Variants in ERBIN observed in about 807,000 individuals in gnomAD.
ERBIN encodes the protein densin-180-like protein.
Under a neutral mutation model 158.4 loss-of-function variants are expected in ERBIN, and 60 were observed. The observed-to-expected ratio is 0.38, with a 90% CI of 0.31 to 0.47. ERBIN has a LOEUF of 0.47. ERBIN is among the 20% of genes least tolerant of loss of function. The pLI is 0.99. For missense variants in ERBIN, 1,610 were observed against 1,648.0 expected (o/e 0.98, Z 0.40); for synonymous variants, 594 against 557.2 (o/e 1.07, Z -0.93).
intron 1 of ERBIN, among the ~76,000 whole-genome samples, chr5:65,934,328 A>G (rs750276315): frequency 2.0e-4 from 30 of 152,212 alleles, no homozygotes; most frequent in Admixed American, 3.3e-4. Context: ...AATTATCCCA[A>G]TAATGTGTTT....
chr5:65,970,092 C>T (rs950534797), intron 1 of ERBIN, among the ~76,000 whole-genome samples: 5 of 151,088 alleles, frequency 3.3e-5, no homozygotes, highest in African/African-American at 7.3e-5. Context: ...TAATTGTCTA[C>T]GTCAAATTAC....
intron 1 of ERBIN, among the ~76,000 whole-genome samples, chr5:65,941,631 T>G (rs1051199966): frequency 6.6e-6 from 1 of 152,222 alleles, no homozygotes; most frequent in Non-Finnish European, 1.5e-5. Flanking sequence ...GTAATTTACA[T>G]GTATGATAAA....
At chr5:66,042,196 ATC>A (rs752725197) in intron 15 of ERBIN, among the ~76,000 whole-genome samples, 8 of 152,030 alleles carry the variant, frequency 5.3e-5, no homozygotes, top group Non-Finnish European at 1.0e-4. Context: ...GGTACTTGTA[ATC>A]TCTCTGTTTT....
chr5:66,014,760 T>G (rs775884557), intron 7 of ERBIN, 35 bp downstream of exon 7: 13 of 1,053,508 alleles, frequency 1.2e-5, no homozygotes, highest in Middle Eastern at 2.7e-4. Context: ...AAAACTTAAT[T>G]TATAATTTTT....
chr5:65,930,154 T>TA (rs1162540772), intron 1 of ERBIN, among the ~76,000 whole-genome samples: 1 of 152,226 alleles, frequency 6.6e-6, no homozygotes, highest in Non-Finnish European at 1.5e-5. Flanking sequence ...TCCAAACTGT[T>TA]AGTCTATGTT....
intron 21 of ERBIN, among the ~76,000 whole-genome samples, chr5:66,062,584 A>G (rs1370845736): frequency 6.6e-6 from 1 of 152,102 alleles, no homozygotes; most frequent in African/African-American, 2.4e-5. Context: ...GTTGCTGGTG[A>G]GGAGCTGCGT....
At chr5:65,970,597 A>G (rs529131970) in intron 1 of ERBIN, among the ~76,000 whole-genome samples, 1 of 152,196 alleles carries the variant, frequency 6.6e-6, no homozygotes, top group African/African-American at 2.4e-5. Context: ...AACTTTTTAT[A>G]TTCTTTTTAA....
intron 1 of ERBIN, among the ~76,000 whole-genome samples, chr5:65,973,080 A>G (rs1484377425): frequency 1.3e-5 from 2 of 151,076 alleles, no homozygotes; most frequent in Admixed American, 1.3e-4. Flanking sequence ...CTATGCAGCC[A>G]TAAAAAAGGA....
At chr5:65,951,480 CT>C (rs1746497852) in intron 1 of ERBIN, among the ~76,000 whole-genome samples, 1 of 152,174 alleles carries the variant, frequency 6.6e-6, no homozygotes, top group South Asian at 2.1e-4. Flanking sequence ...TAAATAACTT[CT>C]GTAATTTTGA....
At chr5:66,046,662 T>C (rs1758480592) in intron 18 of ERBIN, 124 bp downstream of exon 18, 1 of 721,108 alleles carries the variant, frequency 1.4e-6, no homozygotes, top group South Asian at 3.3e-5. Flanking sequence ...TTGAGAAATT[T>C]CATATCTGCA....
chr5:65,950,289 G>T (rs979228342), intron 1 of ERBIN, among the ~76,000 whole-genome samples: 1 of 152,140 alleles, frequency 6.6e-6, no homozygotes, highest in Non-Finnish European at 1.5e-5. Flanking sequence ...ACAGGCGCCC[G>T]GCCTCAGGTC....
chr5:66,079,189 CTT>C lies in ERBIN; in HGVS notation c.*664_*665del, dbSNP rs1348682903. The C allele has an allele frequency of 6.6e-6, 1 of 152,526 alleles. No homozygotes were observed. Among genetic ancestry groups the C allele is most frequent in the African/African-American group, 2.4e-5 (1 of 41,406 alleles). The allele number at this position is 152,526 out of a possible 1,614,324, so 9.4% of individuals were successfully genotyped here. A position where few individuals can be genotyped will look rare whatever the true frequency, so the allele number is the denominator to read the frequency against. On this transcript the variant is annotated 3_prime_UTR_variant, in exon 26 of 26. Transcript: ENST00000284037. Reference sequence around the variant, plus strand: ...AATAATGCAATAAAATATGTAATGTCTTTTTTATAAAGCAAAAAAGACAATAA... The same window carrying C: ...AATAATGCAATAAAATATGTAATGTCTTTTATAAAGCAAAAAAGACAATAA...
rs771542943 is a variant in ERBIN, at chr5:66,053,456, A to C, written c.2138A>C (p.Asn713Thr). 6.4e-7 allele frequency: 1 copy of C among 1,561,846 alleles called. No individual in the cohort carries two copies. The highest frequency in any genetic ancestry group is 1.2e-5 in the South Asian group (1 of 80,406). The part of the protein sequence containing the change: ...NSLLQNGDIL[N>T]SSTEEKFKAH... ...CTTTTACAAAATGGAGATATTTTAA[A>C]CAGTTCAACAGAGGAAAAGTTCAAA... The change falls in exon 21 of 26, where the codon AAC (asparagine) becomes ACC (threonine). Residue 713 changes from asparagine (N) to threonine (T), a missense_variant. Transcript: ENST00000284037.
At chr5:66,015,086 C>G (rs1231727799) in intron 7 of ERBIN, among the ~76,000 whole-genome samples, 1 of 152,100 alleles carries the variant, frequency 6.6e-6, no homozygotes, top group East Asian at 1.9e-4. Context: ...TCCATAGGAT[C>G]TTCATGTGAA....
chr5:66,043,311 T>A, intron 16 of ERBIN, 113 bp downstream of exon 16: 1 of 1,051,848 alleles, frequency 9.5e-7, no homozygotes, highest in Non-Finnish European at 1.4e-6. Context: ...TTATTCCTTG[T>A]CCTCAAGGCA....
At chr5:65,934,611 T>C (rs1236592709) in intron 1 of ERBIN, among the ~76,000 whole-genome samples, 1 of 152,250 alleles carries the variant, frequency 6.6e-6, no homozygotes, top group African/African-American at 2.4e-5. Flanking sequence ...TTACGTCTTA[T>C]CAGGTGGCAG....
At chr5:66,062,386 G>T (rs1760495202) in intron 21 of ERBIN, among the ~76,000 whole-genome samples, 1 of 152,180 alleles carries the variant, frequency 6.6e-6, no homozygotes, top group Non-Finnish European at 1.5e-5. Context: ...GTGGTTTTCA[G>T]CTCCATCGGG....
chr5:66,063,870 A>G (rs1445388136), intron 21 of ERBIN, among the ~76,000 whole-genome samples: 1 of 152,210 alleles, frequency 6.6e-6, no homozygotes, highest in Non-Finnish European at 1.5e-5. Context: ...TTATATACAC[A>G]CTTATATACG....
intron 1 of ERBIN, among the ~76,000 whole-genome samples, chr5:65,968,375 C>T (rs1377673720): frequency 6.6e-6 from 1 of 152,088 alleles, no homozygotes; most frequent in East Asian, 1.9e-4. Context: ...CAGTGCCTTT[C>T]TTGTGTGGAA....
Sources: gnomAD v4.1 joint callset for allele counts (sites outside exome capture counted in the v4.1 genomes callset) on GRCh38, gnomAD v4.1.1 for gene constraint, MANE v1.5 for transcripts, NCBI Gene and HGNC (gene_info 2026-07-23, HGNC 2026-07-21) for gene names.